Variants in PTPRM observed in about 807,000 individuals in gnomAD.
The protein encoded by PTPRM is receptor-type tyrosine-protein phosphatase mu.
A neutral mutation model predicts 186.7 loss-of-function variants in PTPRM; 47 were observed. That is an observed-to-expected ratio of 0.25 (90% CI 0.20 to 0.32). The LOEUF is 0.32. Ranked by LOEUF, PTPRM falls within the 10% of genes least tolerant of loss-of-function variation. The pLI, the probability that PTPRM is intolerant of heterozygous loss-of-function variation, is 1.00. For missense variants in PTPRM, 1,494 were observed against 1,865.0 expected, an observed-to-expected ratio of 0.80 and a Z score of 3.66; for synonymous variants, 668 against 674.9, an observed-to-expected ratio of 0.99 and a Z score of 0.16.
intron 1 of PTPRM, among the ~76,000 whole-genome samples, chr18:7,675,708 G>A (rs1343467382): frequency 6.6e-6 from 1 of 151,230 alleles, no homozygotes; most frequent in Non-Finnish European, 1.5e-5. Context: ...GTGGTTGTTG[G>A]GGAAATTTTT....
intron 7 of PTPRM, among the ~76,000 whole-genome samples, chr18:8,044,194 C>G (rs573492947): frequency 6.6e-6 from 1 of 152,248 alleles, no homozygotes; most frequent in South Asian, 2.1e-4. Context: ...TCATTGGGGC[C>G]TGACAAGAGT....
intron 2 of PTPRM, among the ~76,000 whole-genome samples, chr18:7,813,458 A>G (rs1009766732): frequency 1.3e-5 from 2 of 152,204 alleles, no homozygotes; most frequent in African/African-American, 4.8e-5. Flanking sequence ...TTAATGCAAC[A>G]TTCTTGGTAA....
chr18:7,755,391 G>C (rs2041434014), intron 1 of PTPRM: 2 of 152,216 alleles, frequency 1.3e-5, no homozygotes, highest in African/African-American at 4.8e-5. Flanking sequence ...AGGAAGACCA[G>C]AAATGAGAAG....
chr18:7,946,700 C>G (rs9962120), intron 5 of PTPRM, among the ~76,000 whole-genome samples: 8,104 of 152,214 alleles, frequency 0.053, 736 homozygotes, highest in African/African-American at 0.19. Flanking sequence ...GTGAAAAAAA[C>G]ACACACAGAC....
chr18:7,677,196 G>A (rs1299305039), intron 1 of PTPRM, among the ~76,000 whole-genome samples: 1 of 152,142 alleles, frequency 6.6e-6, no homozygotes, highest in Non-Finnish European at 1.5e-5. Flanking sequence ...CCACCTGATG[G>A]TATACATATT....
intron 14 of PTPRM, among the ~76,000 whole-genome samples, chr18:8,167,763 C>G (rs899672310): frequency 6.6e-6 from 1 of 152,168 alleles, no homozygotes; most frequent in Non-Finnish European, 1.5e-5. Flanking sequence ...CAGAAACAGA[C>G]ACGGTTAGTA....
chr18:7,794,570 G>A (rs1214686916), intron 2 of PTPRM, among the ~76,000 whole-genome samples: 1 of 152,132 alleles, frequency 6.6e-6, no homozygotes, highest in Non-Finnish European at 1.5e-5. Flanking sequence ...CTTCCAAAAA[G>A]GATATACTAT....
chr18:7,753,439 G>A (rs2041320187), intron 1 of PTPRM, among the ~76,000 whole-genome samples: 1 of 152,152 alleles, frequency 6.6e-6, no homozygotes, highest in African/African-American at 2.4e-5. Flanking sequence ...TTGAGTGCTA[G>A]TTACTATCAT....
At chr18:8,136,923 A>G (rs1037920674) in intron 13 of PTPRM, among the ~76,000 whole-genome samples, 1 of 152,242 alleles carries the variant, frequency 6.6e-6, no homozygotes, top group Non-Finnish European at 1.5e-5. Flanking sequence ...TTACCTCTGC[A>G]TATGTTCACA....
At chr18:7,592,347 G>T (rs951819344) in intron 1 of PTPRM, among the ~76,000 whole-genome samples, 5 of 152,168 alleles carry the variant, frequency 3.3e-5, no homozygotes, top group African/African-American at 1.2e-4. Flanking sequence ...AGAAGAGTAG[G>T]CAATTTTGCC....
intron 2 of PTPRM, among the ~76,000 whole-genome samples, chr18:7,796,882 G>A (rs1038724345): frequency 1.6e-4 from 24 of 152,194 alleles, no homozygotes; most frequent in African/African-American, 2.4e-4. Context: ...CTCTGGATGC[G>A]TGTATATAGC....
chr18:8,124,477 G>T (rs952642838), intron 13 of PTPRM, among the ~76,000 whole-genome samples: 1 of 152,160 alleles, frequency 6.6e-6, no homozygotes, highest in Non-Finnish European at 1.5e-5. Context: ...TGCCAGGTAT[G>T]AATCGACCAA....
intron 3 of PTPRM, among the ~76,000 whole-genome samples, chr18:7,892,865 G>T (rs1052940226): frequency 6.6e-6 from 1 of 152,102 alleles, no homozygotes; most frequent in Non-Finnish European, 1.5e-5. Context: ...GAGCTCTCAC[G>T]CCTCTCTTCT....
chr18:7,914,778 C>T (rs1306230807), intron 4 of PTPRM, among the ~76,000 whole-genome samples: 1 of 152,108 alleles, frequency 6.6e-6, no homozygotes, highest in Non-Finnish European at 1.5e-5. Flanking sequence ...TATTGGTTCT[C>T]AGCGTTAGAG....
intron 2 of PTPRM, among the ~76,000 whole-genome samples, chr18:7,848,292 A>G (rs747571901): frequency 6.6e-6 from 1 of 152,198 alleles, no homozygotes; most frequent in African/African-American, 2.4e-5. Context: ...CAGCTGTAAG[A>G]GATTTTGTCT....
At chr18:7,655,064 T>C (rs2038815895) in intron 1 of PTPRM, among the ~76,000 whole-genome samples, 1 of 152,196 alleles carries the variant, frequency 6.6e-6, no homozygotes, top group Non-Finnish European at 1.5e-5. Context: ...TTTAATGATA[T>C]TGATTCTTCA....
chr18:8,142,016 C>T (rs749468593), intron 13 of PTPRM, among the ~76,000 whole-genome samples: 2 of 152,160 alleles, frequency 1.3e-5, no homozygotes, highest in African/African-American at 2.4e-5. Context: ...CCCAGTCAGC[C>T]ACCTGGTGAT....
chr18:7,599,934 A>ACATGCCTTTTACCGTCTATCTG (rs2037358583), intron 1 of PTPRM, among the ~76,000 whole-genome samples: 1 of 152,124 alleles, frequency 6.6e-6, no homozygotes, highest in Non-Finnish European at 1.5e-5. Flanking sequence ...GGGATCTTCT[A>ACATGCCTTTTACCGTCTATCTG]CATGCCTTTT....
chr18:7,973,284 A>G (rs1332588478), intron 7 of PTPRM, among the ~76,000 whole-genome samples: 4 of 152,186 alleles, frequency 2.6e-5, no homozygotes, highest in Non-Finnish European at 5.9e-5. Flanking sequence ...AGATATATGC[A>G]TTTAAGACTT....
Sources: allele counts gnomAD v4.1 joint callset (sites outside exome capture counted in the v4.1 genomes callset), GRCh38; gene constraint gnomAD v4.1.1; transcripts MANE v1.5; gene names NCBI Gene and HGNC (gene_info 2026-07-23, HGNC 2026-07-21).